The following SPATA17 variants were observed in gnomAD, a reference collection of about 807,000 sequenced individuals.
The protein encoded by SPATA17 is spermatogenesis associated 17.
In SPATA17, 53 loss-of-function variants were observed where a neutral mutation model predicts 62.2. The observed-to-expected ratio is 0.85, with a 90% CI of 0.68 to 1.07. The LOEUF (loss-of-function observed/expected upper bound fraction) is 1.07, where lower values mean the gene tolerates loss of function less well. Among genes scored for constraint, SPATA17 ranks in the 50% least tolerant of loss-of-function variants. SPATA17 has a pLI of 0.00. For missense variants in SPATA17, 466 were observed against 425.5 expected, an observed-to-expected ratio of 1.10 and a Z score of -0.84; for synonymous variants, 146 against 146.8, an observed-to-expected ratio of 0.99 and a Z score of 0.04.
At chr1:217,760,835 C>T (rs1266452432) in intron 6 of SPATA17, among the ~76,000 whole-genome samples, 1 of 152,088 alleles carries the variant, frequency 6.6e-6, no homozygotes, top group Non-Finnish European at 1.5e-5. Context: ...GTCAAATCAC[C>T]TGTAGAAGAA....
At chr1:217,842,147 C>A (rs1675421291) in intron 9 of SPATA17, among the ~76,000 whole-genome samples, 3 of 151,978 alleles carry the variant, frequency 2.0e-5, no homozygotes, top group South Asian at 4.1e-4. Context: ...ACTCAAACTT[C>A]TCTTCCTAGA....
chr1:217,807,809 A>G (rs1447924205), intron 9 of SPATA17, among the ~76,000 whole-genome samples: 1 of 152,236 alleles, frequency 6.6e-6, no homozygotes, highest in Non-Finnish European at 1.5e-5. Flanking sequence ...TTAGACTATA[A>G]GAGATGAAAA....
chr1:217,774,071 CAGAT>C (rs1455190068), intron 6 of SPATA17, among the ~76,000 whole-genome samples: 4 of 152,058 alleles, frequency 2.6e-5, no homozygotes, highest in African/African-American at 9.7e-5. Context: ...GGCTGTGTGA[CAGAT>C]AGGAACTTGA....
intron 9 of SPATA17, among the ~76,000 whole-genome samples, chr1:217,833,441 C>T (rs1675192560): frequency 6.6e-6 from 1 of 152,160 alleles, no homozygotes; most frequent in South Asian, 2.1e-4. Flanking sequence ...TCAGATAAAT[C>T]AGATATTACG....
At chr1:217,644,508 A>G (rs1399379051) in intron 1 of SPATA17, among the ~76,000 whole-genome samples, 1 of 152,194 alleles carries the variant, frequency 6.6e-6, no homozygotes, top group Non-Finnish European at 1.5e-5. Flanking sequence ...AATGAAAAAG[A>G]AAGAGTATTG....
chr1:217,818,335 T>C (rs1471026715), intron 9 of SPATA17, among the ~76,000 whole-genome samples: 4 of 152,106 alleles, frequency 2.6e-5, no homozygotes, highest in African/African-American at 9.7e-5. Context: ...ATCATCACTT[T>C]AATGGGGATA....
At chr1:217,808,461 C>T (rs549671886) in intron 9 of SPATA17, among the ~76,000 whole-genome samples, 1 of 152,212 alleles carries the variant, frequency 6.6e-6, no homozygotes, top group African/African-American at 2.4e-5. Flanking sequence ...ATGGGTTCCA[C>T]ATACTACCAG....
intron 7 of SPATA17, among the ~76,000 whole-genome samples, chr1:217,775,368 A>T (rs1349673755): frequency 6.6e-6 from 1 of 152,058 alleles, no homozygotes; most frequent in South Asian, 2.1e-4. Flanking sequence ...ATTTTCTCCC[A>T]TTCTATGGGC....
intron 9 of SPATA17, among the ~76,000 whole-genome samples, chr1:217,830,025 T>C (rs1282098027): frequency 6.6e-6 from 1 of 152,086 alleles, no homozygotes; most frequent in Non-Finnish European, 1.5e-5. Flanking sequence ...TAAACTAATG[T>C]TGTAAACCTC....
intron 9 of SPATA17, among the ~76,000 whole-genome samples, chr1:217,823,567 T>C (rs1470824478): frequency 6.6e-6 from 1 of 151,984 alleles, no homozygotes; most frequent in African/African-American, 2.4e-5. Flanking sequence ...GGACTTGTAC[T>C]TCCTTGTCAA....
chr1:217,671,204 G>A (rs1670825034), intron 4 of SPATA17, among the ~76,000 whole-genome samples: 1 of 152,032 alleles, frequency 6.6e-6, no homozygotes, highest in East Asian at 1.9e-4. Flanking sequence ...GGAACAAAAT[G>A]TTTGTTAACC....
chr1:217,793,710 C>G (rs1328753949), intron 8 of SPATA17, among the ~76,000 whole-genome samples: 1 of 152,090 alleles, frequency 6.6e-6, no homozygotes, highest in African/African-American at 2.4e-5. Flanking sequence ...GAATACGAGT[C>G]AGTCAAGAAA....
chr1:217,778,865 A>G (rs1159863542), intron 7 of SPATA17, among the ~76,000 whole-genome samples: 1 of 151,970 alleles, frequency 6.6e-6, no homozygotes, highest in Non-Finnish European at 1.5e-5. Flanking sequence ...TTCATTCTTC[A>G]TCTCTGTTTC....
intron 9 of SPATA17, among the ~76,000 whole-genome samples, chr1:217,842,307 A>G (rs1472061912): frequency 1.3e-5 from 2 of 151,938 alleles, no homozygotes; most frequent in Non-Finnish European, 2.9e-5. Context: ...TAGTATCGAG[A>G]TTATGCTGAA....
intron 6 of SPATA17, among the ~76,000 whole-genome samples, chr1:217,757,562 C>G (rs923406261): frequency 6.6e-6 from 1 of 152,106 alleles, no homozygotes; most frequent in Non-Finnish European, 1.5e-5. Flanking sequence ...CCTTGACATA[C>G]TGAAGGGCAG....
chr1:217,833,349 T>C (rs1006559549), intron 9 of SPATA17, among the ~76,000 whole-genome samples: 4 of 152,196 alleles, frequency 2.6e-5, no homozygotes, highest in Admixed American at 6.6e-5. Flanking sequence ...CTCTCTCATA[T>C]TGAAACTTAC....
At chr1:217,758,070 A>C (rs531849496) in intron 6 of SPATA17, among the ~76,000 whole-genome samples, 1 of 152,218 alleles carries the variant, frequency 6.6e-6, no homozygotes, top group Non-Finnish European at 1.5e-5. Flanking sequence ...AGCAGTTATC[A>C]ACAACCTGAT....
intron 9 of SPATA17, among the ~76,000 whole-genome samples, chr1:217,802,966 G>T (rs1371950754): frequency 2.0e-5 from 3 of 152,230 alleles, no homozygotes; most frequent in Non-Finnish European, 4.4e-5. Context: ...AGGCTGGAGT[G>T]CAATGGCGCA....
rs760105425 is a variant in SPATA17, at chr1:217,742,118, A to T, written c.519+20A>T. On this transcript the variant is annotated intron_variant, in intron 6 of 10. Coordinates refer to ENST00000366933, the MANE Select transcript of SPATA17 (RefSeq NM_138796.4). ...AAGCAGGTTGGTTTACCTGTCCCTGACAGCTCCTGTAAGCCACTTGGGCCC... is the reference window on the plus strand; with the variant it reads ...AAGCAGGTTGGTTTACCTGTCCCTGTCAGCTCCTGTAAGCCACTTGGGCCC... 5.0e-6 allele frequency: 8 copies of T among 1,613,416 alleles called. No individual in the cohort carries two copies. Among genetic ancestry groups the T allele is most frequent in the Admixed American group, 1.7e-5 (1 of 59,896 alleles).
Sources: gnomAD v4.1 joint callset for allele counts (sites outside exome capture counted in the v4.1 genomes callset) on GRCh38, gnomAD v4.1.1 for gene constraint, MANE v1.5 for transcripts, NCBI Gene and HGNC (gene_info 2026-07-23, HGNC 2026-07-21) for gene names.